The following CEP112 variants were observed in gnomAD, a reference collection of about 807,000 sequenced individuals.
CEP112 encodes centrosomal protein of 112 kDa.
A neutral mutation model predicts 153.0 loss-of-function variants in CEP112; 127 were observed. That is an observed-to-expected ratio of 0.83 (90% CI 0.72 to 0.96). CEP112 has a LOEUF of 0.96. Among genes scored for constraint, CEP112 ranks in the 40% least tolerant of loss-of-function variants. CEP112 has a pLI of 0.00. For synonymous variants in CEP112, 358 were observed against 374.4 expected (o/e 0.96, Z 0.51); for missense variants, 1,089 against 1,101.2 (o/e 0.99, Z 0.16).
chr17:65,669,890 G>A (rs540190686), intron 24 of CEP112, among the ~76,000 whole-genome samples: 14 of 145,030 alleles, frequency 9.7e-5, no homozygotes, highest in African/African-American at 3.7e-4. Flanking sequence ...GCGACAGAGC[G>A]AGACTTCGTC....
In CEP112 at chr17:65,682,548, G is replaced by A. The variant is rs117338603; in HGVS notation, c.2697+6581C>T. On this transcript the variant is annotated intron_variant, in intron 24 of 26. Transcript: ENST00000535342. ...TGCTGACAACTGCTTTCTAACGAATGACTGAACTGCTCAGCATTCCATCCA... is the reference window on the plus strand; with the variant it reads ...TGCTGACAACTGCTTTCTAACGAATAACTGAACTGCTCAGCATTCCATCCA... 9.6e-3 allele frequency among the ~76,000 whole-genome samples: 1,456 copies of A among 152,246 alleles called. 15 individuals carry two copies. Among genetic ancestry groups the A allele is most frequent in the Middle Eastern group, 0.031 (9 of 294 alleles).
At chr17:65,643,203 T>C (rs545698480) in intron 24 of CEP112, among the ~76,000 whole-genome samples, 6 of 152,330 alleles carry the variant, frequency 3.9e-5, no homozygotes, top group Non-Finnish European at 7.4e-5. Flanking sequence ...CTTGATCTCA[T>C]CATCTGGACA....
At chr17:66,124,396 G>A (rs375961365) in intron 6 of CEP112, among the ~76,000 whole-genome samples, 2 of 151,876 alleles carry the variant, frequency 1.3e-5, no homozygotes, top group African/African-American at 2.4e-5. Flanking sequence ...AATAGCAAGC[G>A]AAAATACATG....
intron 21 of CEP112, among the ~76,000 whole-genome samples, chr17:65,816,853 G>A (rs1308197498): frequency 1.3e-5 from 2 of 151,934 alleles, no homozygotes; most frequent in Non-Finnish European, 2.9e-5. Context: ...AGTTTGTGTT[G>A]AAATGGCATT....
At chr17:65,743,025 T>C (rs746340620) in intron 23 of CEP112, 43 bp downstream of exon 23, 8 of 1,528,748 alleles carry the variant, frequency 5.2e-6, no homozygotes, top group South Asian at 1.3e-5. Flanking sequence ...TTTAATTACA[T>C]TAAAGCAGCT....
At chr17:65,883,139 T>C (rs1429100990) in intron 20 of CEP112, among the ~76,000 whole-genome samples, 1 of 151,946 alleles carries the variant, frequency 6.6e-6, no homozygotes. Context: ...GCAATTTAAA[T>C]GGAAAAAAGT....
At chr17:66,122,128 T>C (rs1015033900) in intron 6 of CEP112, among the ~76,000 whole-genome samples, 1 of 152,176 alleles carries the variant, frequency 6.6e-6, no homozygotes, top group Non-Finnish European at 1.5e-5. Flanking sequence ...TCTCTTGACC[T>C]CGTGATCCGC....
In CEP112 at chr17:65,846,918, CT is replaced by C. The variant is rs1262956542; in HGVS notation, c.2394+4885del. ...CTGGGGCATTAGAAACAAATATTTC[CT>C]GCTTTCAGGGAATTCGGAGTCCAGG... On this transcript the variant is annotated intron_variant, in intron 21 of 26. Coordinates refer to ENST00000535342, the MANE Select transcript of CEP112 (RefSeq NM_001199165.4). Among the ~76,000 whole-genome samples the C allele has an allele frequency of 3.3e-5, 5 of 152,258 alleles. 1 individual carries two copies. In the East Asian group the frequency reaches 9.7e-4, roughly 29 times the overall value.
intron 23 of CEP112, among the ~76,000 whole-genome samples, chr17:65,689,456 T>C (rs560136470): frequency 2.4e-4 from 37 of 152,198 alleles, no homozygotes; most frequent in Non-Finnish European, 4.9e-4. Flanking sequence ...ATGTCAATCA[T>C]ATATTAAAAT....
chr17:65,992,979 A>C (rs1273051928), intron 17 of CEP112, among the ~76,000 whole-genome samples: 2 of 152,038 alleles, frequency 1.3e-5, no homozygotes, highest in East Asian at 1.9e-4. Context: ...CAGGATGTGC[A>C]GGTTAGTTAC....
chr17:65,970,630 T>C (rs1420728491), intron 17 of CEP112, among the ~76,000 whole-genome samples: 3 of 152,022 alleles, frequency 2.0e-5, no homozygotes, highest in Non-Finnish European at 4.4e-5. Context: ...AATGGAAGCA[T>C]ATTACATGCA....
chr17:65,721,844 T>TA (rs34180530), intron 23 of CEP112, among the ~76,000 whole-genome samples: 109,789 of 149,752 alleles, frequency 0.73, 40,750 homozygotes, highest in East Asian at 0.93. Flanking sequence ...CTAGCATAAT[T>TA]AAAAAAAAAA....
chr17:65,902,006 G>GGAAAAAAAAAAAAAA, intron 20 of CEP112, 146 bp downstream of exon 20: 10 of 243,082 alleles, frequency 4.1e-5, no homozygotes, highest in Non-Finnish European at 6.2e-5. Flanking sequence ...GGGTGGGGGG[G>GGAAAAAAAAAAAAAA]AGAAAAACAA....
intron 4 of CEP112, among the ~76,000 whole-genome samples, chr17:66,150,907 T>G (rs1456631303): frequency 1.3e-5 from 2 of 152,232 alleles, no homozygotes; most frequent in African/African-American, 2.4e-5. Context: ...CATTACATCA[T>G]GCTTATGAAT....
chr17:65,916,022 C>T (rs1333774989), intron 19 of CEP112, among the ~76,000 whole-genome samples: 1 of 152,102 alleles, frequency 6.6e-6, no homozygotes, highest in Non-Finnish European at 1.5e-5. Context: ...ATGTTCTTTC[C>T]TTACCTCAGG....
intron 17 of CEP112, among the ~76,000 whole-genome samples, chr17:65,968,942 A>G (rs1237633101): frequency 1.3e-5 from 2 of 152,234 alleles, no homozygotes; most frequent in Non-Finnish European, 2.9e-5. Context: ...TTTGTATATC[A>G]AATATCTAGA....
intron 21 of CEP112, among the ~76,000 whole-genome samples, chr17:65,798,062 T>C (rs759874775): frequency 7.6e-4 from 116 of 152,164 alleles, no homozygotes; most frequent in African/African-American, 2.6e-3. Flanking sequence ...GCCTCAGTCA[T>C]ATGGTCTAGC....
intron 24 of CEP112, among the ~76,000 whole-genome samples, chr17:65,655,775 T>C (rs1461197999): frequency 6.6e-6 from 1 of 152,014 alleles, no homozygotes; most frequent in Non-Finnish European, 1.5e-5. Context: ...AAAAAAAAGA[T>C]TGAGGTTGTG....
intron 24 of CEP112, among the ~76,000 whole-genome samples, chr17:65,656,165 C>A (rs1318051156): frequency 1.3e-5 from 2 of 152,312 alleles, no homozygotes; most frequent in Middle Eastern, 3.4e-3. Context: ...GTCCAGGTAA[C>A]CAGAGTCACT....
Sources: gnomAD v4.1 joint callset for allele counts (sites outside exome capture counted in the v4.1 genomes callset) on GRCh38, gnomAD v4.1.1 for gene constraint, MANE v1.5 for transcripts, NCBI Gene and HGNC (gene_info 2026-07-23, HGNC 2026-07-21) for gene names.